The following ERCC1 variants were observed in gnomAD, a reference collection of about 807,000 sequenced individuals.
ERCC1 encodes the protein ERCC excision repair 1, endonuclease non-catalytic subunit, also known as DNA excision repair protein ERCC-1.
A neutral mutation model predicts 37.6 loss-of-function variants in ERCC1; 36 were observed. That is an observed-to-expected ratio of 0.96 (90% CI 0.73 to 1.26). The LOEUF is 1.26. ERCC1 is among the 50% of genes most tolerant of loss of function. ERCC1 has a pLI of 0.00. For synonymous variants in ERCC1, 156 were observed against 162.1 expected (o/e 0.96, Z 0.28); for missense variants, 349 against 376.5 (o/e 0.93, Z 0.60).
At chr19:45,450,556 G>T (rs539451126) in intron 1 of ERCC1, 2 of 152,524 alleles carry the variant, frequency 1.3e-5, no homozygotes, top group South Asian at 2.1e-4. Context: ...GATCAACTGA[G>T]TTCAGGAGTT....
chr19:45,448,419 G>C (rs1399170314), intron 1 of ERCC1, among the ~76,000 whole-genome samples: 1 of 152,144 alleles, frequency 6.6e-6, no homozygotes, highest in African/African-American at 2.4e-5. Flanking sequence ...CTGAGGGAGA[G>C]TTAAGTAATA....
At chr19:45,414,085 C>A in intron 7 of ERCC1, 51 bp from the exon 8 acceptor site, 1 of 1,497,336 alleles carries the variant, frequency 6.7e-7, no homozygotes, top group Non-Finnish European at 9.3e-7. Context: ...GCCAGCAAGA[C>A]TGAGCCTAGG....
upstream of ERCC1, among the ~76,000 whole-genome samples, chr19:45,427,601 G>A (rs570467356): frequency 2.1e-3 from 327 of 152,316 alleles, 1 homozygote; most frequent in Non-Finnish European, 3.9e-3. Flanking sequence ...GCGACAGAGC[G>A]AGACTCCGTC....
At chr19:45,427,806 G>C (rs1487282768), upstream of ERCC1, among the ~76,000 whole-genome samples, 1 of 152,174 alleles carries the variant, frequency 6.6e-6, no homozygotes, top group Non-Finnish European at 1.5e-5. Flanking sequence ...AGGATTGGAA[G>C]TGTTGGGGAG....
rs192047256 is a variant in ERCC1, at chr19:45,420,723, C to T, written c.322-296G>A. 6.6e-6 allele frequency among the ~76,000 whole-genome samples: 1 copy of T among 152,250 alleles called. No homozygotes were observed. Among genetic ancestry groups the T allele is most frequent in the Non-Finnish European group, 1.5e-5 (1 of 68,022 alleles). ...CCCCGGGTCTGTCTCCAGCTCAGCCCTCTCCCTCCAGCCCCAGTCTGCGTG... is the reference window on the plus strand; with the variant it reads ...CCCCGGGTCTGTCTCCAGCTCAGCCTTCTCCCTCCAGCCCCAGTCTGCGTG... On this transcript the variant is annotated intron_variant, in intron 3 of 9. Coordinates refer to ENST00000300853, the MANE Select transcript of ERCC1 (RefSeq NM_001983.4). The surrounding 1 kb of genome is among the most constrained non-coding windows in gnomAD (Gnocchi z 4.8).
chr19:45,423,718 C>A (rs974515432), intron 1 of ERCC1, 63 bp downstream of exon 1: 18 of 1,185,398 alleles, frequency 1.5e-5, no homozygotes, highest in Non-Finnish European at 1.9e-5. Flanking sequence ...GTCCATCTCT[C>A]AGACTCGGCA....
intron 1 of ERCC1, among the ~76,000 whole-genome samples, chr19:45,436,356 G>A (rs1044223516): frequency 9.2e-5 from 14 of 152,218 alleles, no homozygotes; most frequent in East Asian, 5.8e-4. Flanking sequence ...GCCGGGCGCC[G>A]TGGCTCACGC....
At chr19:45,413,807 AG>A (rs972727056) in intron 8 of ERCC1, 62 bp from the exon 9 acceptor site, 12 of 1,607,566 alleles carry the variant, frequency 7.5e-6, no homozygotes, top group Non-Finnish European at 1.0e-5. Flanking sequence ...GTCCCAGCTG[AG>A]GAGGGGCCTC....
upstream of ERCC1, among the ~76,000 whole-genome samples, chr19:45,425,633 G>C (rs944768492): frequency 2.3e-4 from 35 of 152,078 alleles, no homozygotes; most frequent in African/African-American, 8.4e-4. Flanking sequence ...GCCTCCCAAA[G>C]TGCTGGGATT....
Position 45,420,343 on chromosome 19 carries a change from T to C in ERCC1, c.406A>G (p.Thr136Ala), listed in dbSNP as rs2123511426. Residue 136 changes from threonine (T) to alanine (A), a missense_variant, in exon 4 of 10, where the codon ACC (threonine) becomes GCC (alanine). Coordinates refer to ENST00000300853, the MANE Select transcript of ERCC1 (RefSeq NM_001983.4). The surrounding 1 kb of genome is among the most constrained non-coding windows in gnomAD (Gnocchi z 4.8). ...VIPDYVLGQS[T>A]CALFLSLRYH... ...GCTCACCTGAGGAACAGGGCACAGGTGCTCTGGCCCAGCACATAGTCGGGA... is the reference window on the plus strand; with the variant it reads ...GCTCACCTGAGGAACAGGGCACAGGCGCTCTGGCCCAGCACATAGTCGGGA... 6.2e-7 allele frequency: 1 copy of C among 1,612,862 alleles called. No homozygotes were observed. Among genetic ancestry groups the C allele is most frequent in the Non-Finnish European group, 8.5e-7 (1 of 1,179,316 alleles).
chr19:45,430,901 C>T (rs570478904), intron 1 of ERCC1, among the ~76,000 whole-genome samples: 2 of 151,394 alleles, frequency 1.3e-5, no homozygotes, highest in African/African-American at 2.4e-5. Flanking sequence ...AGCAAGACCT[C>T]GTCTCAAAAA....
chr19:45,428,257 A>AT (rs1203338046), upstream of ERCC1, among the ~76,000 whole-genome samples: 3 of 8,430 alleles, frequency 3.6e-4, no homozygotes, highest in African/African-American at 1.2e-3. Context: ...CAACTTTTGT[A>AT]TTTTTTTTGT....
chr19:45,424,237 T>G, upstream of ERCC1: 1 of 180,096 alleles, frequency 5.6e-6, no homozygotes. Context: ...TCCACACCTA[T>G]TCCCCCCACG....
chr19:45,450,527 T>G (rs1262052273), intron 1 of ERCC1: 1 of 152,282 alleles, frequency 6.6e-6, no homozygotes, highest in Non-Finnish European at 1.5e-5. Context: ...CCCAACACTT[T>G]GGGAGGCCTA....
intron 1 of ERCC1, among the ~76,000 whole-genome samples, chr19:45,438,243 C>T (rs544650846): frequency 1.5e-3 from 230 of 152,058 alleles, no homozygotes; most frequent in African/African-American, 5.2e-3. Flanking sequence ...TATTATTGTG[C>T]TTTTTGTAGA....
At chr19:45,414,496 T>C (rs1421261773) in intron 7 of ERCC1, 2 of 342,008 alleles carry the variant, frequency 5.8e-6, no homozygotes, top group Admixed American at 4.3e-5. Flanking sequence ...AAAAAGGAAT[T>C]AGGCAGGTAA....
intron 1 of ERCC1, among the ~76,000 whole-genome samples, chr19:45,449,014 C>T (rs1599870667): frequency 1.3e-5 from 2 of 152,290 alleles, no homozygotes; most frequent in African/African-American, 2.4e-5. Flanking sequence ...CATAACGTAG[C>T]CCTGTGAGTC....
At chr19:45,414,076 C>T (rs752006953) in intron 7 of ERCC1, 42 bp from the exon 8 acceptor site, 17 of 1,534,884 alleles carry the variant, frequency 1.1e-5, no homozygotes, top group African/African-American at 1.4e-5. Flanking sequence ...AGAAGAAAGG[C>T]CAGCAAGACT....
upstream of ERCC1, among the ~76,000 whole-genome samples, chr19:45,426,034 A>C (rs1039140827): frequency 2.0e-5 from 3 of 151,498 alleles, no homozygotes; most frequent in Admixed American, 6.6e-5. Context: ...ACCTGAGGTC[A>C]GGAGTTCGAG....
Sources: gnomAD v4.1 joint callset for allele counts (sites outside exome capture counted in the v4.1 genomes callset) on GRCh38, gnomAD v4.1.1 for gene constraint, Gnocchi (gnomAD v3.1) non-coding constraint, MANE v1.5 for transcripts, NCBI Gene and HGNC (gene_info 2026-07-23, HGNC 2026-07-21) for gene names.